RBM23: variants seen among roughly 807,000 people sequenced by gnomAD.
RBM23 encodes the protein probable RNA-binding protein 23.
A neutral mutation model predicts 56.2 loss-of-function variants in RBM23; 53 were observed. That is an observed-to-expected ratio of 0.94 (90% CI 0.76 to 1.19). RBM23 has a LOEUF of 1.19. Among genes scored for constraint, RBM23 ranks in the 50% most tolerant of loss-of-function variants. RBM23 has a pLI of 0.00. For missense variants in RBM23, 642 were observed against 590.3 expected (o/e 1.09, Z -0.91); for synonymous variants, 197 against 198.5 (o/e 0.99, Z 0.06).
rs1299213352 is a variant in RBM23, at chr14:22,897,814, T to C, written c.*3916A>G. ...ACTTGGATTGGAATCCCTAACTTGC[T>C]AACTTTGTGCTTATGGGGAAAATTA... On this transcript the variant is annotated 3_prime_UTR_variant, in exon 14 of 14. Transcript: ENST00000359890. The C allele has an allele frequency of 6.6e-6, 1 of 152,252 alleles. No individual in the cohort carries two copies. The highest frequency in any genetic ancestry group is 1.5e-5 in the Non-Finnish European group (1 of 68,046). The allele number at this position is 152,252 out of a possible 1,614,324, so 9.4% of individuals were successfully genotyped here.
At position 22,902,290 on chromosome 14, in the gene RBM23, C is replaced by T; in HGVS notation, c.1023G>A (p.Glu341=). The T allele has an allele frequency of 6.2e-7, 1 of 1,614,200 alleles. No individual in the cohort carries two copies. Among genetic ancestry groups the T allele is most frequent in the Non-Finnish European group, 8.5e-7 (1 of 1,180,044 alleles). ...GRPMRVGHVT[E]RLDGGTDITF... is the part of the protein sequence containing the mutation. ...TGATGTCTGTGCCACCATCCAGTCG[C>T]TCAGTCACATGGCCAACCCTCATAG... Residue 341 remains glutamate (E), a synonymous_variant, in exon 11 of 14, where the codon GAG becomes GAA. Coordinates refer to ENST00000359890, the MANE Select transcript of RBM23 (RefSeq NM_001077351.2).
chr14:22,913,958 A>C (rs1234707891), intron 1 of RBM23: 2 of 151,370 alleles, frequency 1.3e-5, no homozygotes, highest in Non-Finnish European at 2.9e-5. Context: ...CGGGAGGCGG[A>C]AGTTGCAGCC....
chr14:22,903,694 A>T, intron 10 of RBM23: 1 of 1,002,442 alleles, frequency 1.0e-6, no homozygotes, highest in Non-Finnish European at 1.2e-6. Flanking sequence ...CTCAGCCTGG[A>T]GTCACATGGG....
rs942765728 is a variant in RBM23, at chr14:22,897,854, A to G, written c.*3876T>C. The G allele has an allele frequency of 1.3e-5, 2 of 152,190 alleles. No homozygotes were observed. The highest frequency in any genetic ancestry group is 4.8e-5 in the African/African-American group (2 of 41,446). 9.4% of individuals were successfully genotyped at this position (152,190 alleles called of 1,614,324 possible). ...GGGGAAAATTATTTAACTTATTTGGATATGTTTCCTTGTTTACAAAGTAAA... is the reference window on the plus strand; with the variant it reads ...GGGGAAAATTATTTAACTTATTTGGGTATGTTTCCTTGTTTACAAAGTAAA... On this transcript the variant is annotated 3_prime_UTR_variant, in exon 14 of 14. Coordinates refer to ENST00000359890, the MANE Select transcript of RBM23 (RefSeq NM_001077351.2).
At chr14:22,913,694 A>C (rs1285360951) in intron 1 of RBM23, 2 of 151,928 alleles carry the variant, frequency 1.3e-5, no homozygotes, top group Non-Finnish European at 2.9e-5. Flanking sequence ...CTAAAAATAC[A>C]AAACATTAGC....
chr14:22,904,551 A>G (rs939165745), intron 9 of RBM23, among the ~76,000 whole-genome samples: 9 of 151,354 alleles, frequency 5.9e-5, no homozygotes, highest in African/African-American at 2.2e-4. Flanking sequence ...GGCTCACTAC[A>G]GCCTTGACCT....
In RBM23 at chr14:22,908,318, C is replaced by T; in HGVS notation, c.227+15G>A. On this transcript the variant is annotated intron_variant, in intron 4 of 13. Coordinates refer to ENST00000359890, the MANE Select transcript of RBM23 (RefSeq NM_001077351.2). ...TAAAGATACGAGCCACTGTGCCTGG[C>T]CCAGAATTACTGACCTGCGCTTTCT... The T allele has an allele frequency of 4.5e-6, 7 of 1,549,706 alleles. No homozygotes were observed. The highest frequency in any genetic ancestry group is 5.2e-6 in the Non-Finnish European group (6 of 1,146,856).
intron 10 of RBM23, 49 bp from the exon 11 acceptor site, chr14:22,902,431 T>C (rs1566529436): frequency 6.3e-7 from 1 of 1,586,014 alleles, no homozygotes; most frequent in Non-Finnish European, 8.6e-7. Flanking sequence ...AAAGACATGC[T>C]CTCAAAGACC....
rs779997763 is a variant in RBM23 at position 22,906,205 on chromosome 14, G to A, written c.391C>T (p.Leu131Phe). ...AGCAAAAAGTGATACCCAGTGGCAA[G>A]TGGAGGACTCCTGTAATGCACACGA... Reference protein sequence around the residue: ...EDRVHYRSPPLATGYRYGHSK... With the variant: ...EDRVHYRSPPFATGYRYGHSK... Residue 131 changes from leucine (L) to phenylalanine (F), a missense_variant, in exon 5 of 14, where the codon CTT (leucine) becomes TTT (phenylalanine). Transcript: ENST00000359890. 6.2e-7 allele frequency: 1 copy of A among 1,614,026 alleles called. No homozygotes were observed. Among genetic ancestry groups the A allele is most frequent in the East Asian group, 2.2e-5 (1 of 44,904 alleles).
rs147287311 is a variant in RBM23, at chr14:22,907,422, A to C, written c.227+911T>G. Among the ~76,000 whole-genome samples the C allele has an allele frequency of 1.2e-3, 188 of 152,344 alleles. 1 individual carries two copies. The highest frequency in any genetic ancestry group is 4.3e-3 in the African/African-American group (178 of 41,576). ...TACAGTGTACAATAATCTATTATAC[A>C]TTTCAAAATAGCTAGTAGAGAATAA... is the stretch of plus-strand genomic sequence containing the variant. On this transcript the variant is annotated intron_variant, in intron 4 of 13. Coordinates refer to ENST00000359890, the MANE Select transcript of RBM23 (RefSeq NM_001077351.2).
In RBM23 at chr14:22,900,761, T is replaced by C. The variant is rs1270223102; in HGVS notation, c.*969A>G. The C allele has an allele frequency of 2.0e-5, 3 of 151,190 alleles. No homozygotes were observed. Among genetic ancestry groups the C allele is most frequent in the Admixed American group, 1.3e-4 (2 of 15,140 alleles). 9.4% of individuals were successfully genotyped at this position (151,190 alleles called of 1,614,324 possible). A position where few individuals can be genotyped will look rare whatever the true frequency, so the allele number is the denominator to read the frequency against. On this transcript the variant is annotated 3_prime_UTR_variant, in exon 14 of 14. Transcript: ENST00000359890. The stretch of plus-strand genomic sequence containing the variant: ...GCAACAGCTGCCACAAGGAGGAGGC[T>C]TGCCTTTTGTACAAAGTTTTTATGT...
rs757419441 is a variant in RBM23, at chr14:22,905,121, T to C, written c.699A>G (p.Gly233=). ...GTGAAGCCTGTACAATGATAGGCAC[T>C]CCCAGCAACCGCTGCCCAGTCAGCC... ...AIGLTGQRLL[G]VPIIVQASQA... The change falls in exon 8 of 14, where the codon GGA becomes GGG. Residue 233 remains glycine, a synonymous_variant. Coordinates refer to ENST00000359890, the MANE Select transcript of RBM23 (RefSeq NM_001077351.2). The C allele has an allele frequency of 7.4e-6, 12 of 1,613,962 alleles. No individual in the cohort carries two copies. Among genetic ancestry groups the C allele is most frequent in the Non-Finnish European group, 1.0e-5 (12 of 1,179,974 alleles).
chr14:22,905,461 G>C lies in RBM23; in HGVS notation c.456-8C>G, dbSNP rs577779135. 3.1e-6 allele frequency: 5 copies of C among 1,613,890 alleles called. No individual in the cohort carries two copies. Among genetic ancestry groups the C allele is most frequent in the Non-Finnish European group, 4.2e-6 (5 of 1,179,764 alleles). On this transcript the variant is annotated splice_region_variant and splice_polypyrimidine_tract_variant and intron_variant, in intron 6 of 13. Transcript: ENST00000359890. Reference sequence around the variant, plus strand: ...AGATTATCAACTGGCTCCCTGAAGAGTGAAATGTGTTGAGACCAGCCCTCC... The same window carrying C: ...AGATTATCAACTGGCTCCCTGAAGACTGAAATGTGTTGAGACCAGCCCTCC...
At chr14:22,907,724 G>A (rs2041811627) in intron 4 of RBM23, among the ~76,000 whole-genome samples, 1 of 152,124 alleles carries the variant, frequency 6.6e-6, no homozygotes, top group African/African-American at 2.4e-5. Flanking sequence ...ACAGCCTTAG[G>A]CTGGTCCTTC....
chr14:22,904,033 ACTC>A, intron 10 of RBM23: 38 of 1,461,488 alleles, frequency 2.6e-5, no homozygotes, highest in Non-Finnish European at 3.2e-5. Context: ...AGCTGGGTGA[ACTC>A]CTGAACACCC....
chr14:22,905,722 C>T, intron 5 of RBM23, 63 bp from the exon 6 acceptor site: 1 of 1,293,716 alleles, frequency 7.7e-7, no homozygotes, highest in Non-Finnish European at 1.1e-6. Context: ...CTGGGTCTTC[C>T]ATGGTGAGAA....
At chr14:22,909,080 T>C (rs1383083540) in intron 3 of RBM23, among the ~76,000 whole-genome samples, 2 of 151,972 alleles carry the variant, frequency 1.3e-5, no homozygotes, top group African/African-American at 4.8e-5. Context: ...GTAGCTGGGA[T>C]TACAGGAGCC....
Position 22,904,914 on chromosome 14 carries a change from A to T in RBM23, c.825T>A (p.Thr275=), listed in dbSNP as rs367760914. 4.3e-5 allele frequency: 69 copies of T among 1,614,030 alleles called. No individual in the cohort carries two copies. Among genetic ancestry groups the T allele is most frequent in the Non-Finnish European group, 5.3e-5 (63 of 1,180,030 alleles). The change falls in exon 9 of 14, where the codon ACT becomes ACA. Residue 275 remains threonine, a synonymous_variant. Transcript: ENST00000359890. Reference sequence around the variant, plus strand: ...CAAAGATGCCCCGGAGCATGTCTTCAGTGATATTGAAGTGCAGGGAACCCA... The same window carrying T: ...CAAAGATGCCCCGGAGCATGTCTTCTGTGATATTGAAGTGCAGGGAACCCA... ...LYVGSLHFNI[T]EDMLRGIFEP...
At chr14:22,908,946 ATTT>A (rs397852290) in intron 3 of RBM23, among the ~76,000 whole-genome samples, 1 of 141,478 alleles carries the variant, frequency 7.1e-6, no homozygotes, top group African/African-American at 2.6e-5. Flanking sequence ...TCCTCTTGCT[ATTT>A]TTTTTTTTTT....
Sources: gnomAD v4.1 joint callset for allele counts (sites outside exome capture counted in the v4.1 genomes callset) on GRCh38, gnomAD v4.1.1 for gene constraint, MANE v1.5 for transcripts, NCBI Gene and HGNC (gene_info 2026-07-23, HGNC 2026-07-21) for gene names.